The following PARD3 variants were observed in gnomAD, a reference collection of about 807,000 sequenced individuals.
PARD3 encodes partitioning defective 3 homolog.
PARD3 carries 75 observed loss-of-function variants against 155.4 expected under a neutral mutation model. The observed-to-expected ratio is 0.48, with a 90% CI of 0.40 to 0.58. The LOEUF is 0.58. Ranked by LOEUF, PARD3 falls within the 20% of genes least tolerant of loss-of-function variation. PARD3 has a pLI of 0.00. For synonymous variants in PARD3, 576 were observed against 610.5 expected (o/e 0.94, Z 0.83); for missense variants, 1,642 against 1,721.7 (o/e 0.95, Z 0.82).
intron 22 of PARD3, among the ~76,000 whole-genome samples, chr10:34,197,875 G>T (rs970096076): frequency 3.9e-5 from 6 of 152,120 alleles, no homozygotes; most frequent in African/African-American, 1.4e-4. Context: ...GACTACAGGC[G>T]CACGCCACCA....
intron 5 of PARD3, among the ~76,000 whole-genome samples, chr10:34,437,793 G>C (rs1315869197): frequency 6.6e-6 from 1 of 152,080 alleles, no homozygotes; most frequent in Non-Finnish European, 1.5e-5. Context: ...TAATCAAATG[G>C]TTTGTTCAAA....
intron 2 of PARD3, among the ~76,000 whole-genome samples, chr10:34,631,258 A>T (rs1387803928): frequency 6.6e-6 from 1 of 151,950 alleles, no homozygotes; most frequent in African/African-American, 2.4e-5. Context: ...TCAATCCAAC[A>T]TTTTCCCCTC....
At chr10:34,542,955 C>T (rs2083754326) in intron 2 of PARD3, among the ~76,000 whole-genome samples, 1 of 152,090 alleles carries the variant, frequency 6.6e-6, no homozygotes, top group Non-Finnish European at 1.5e-5. Flanking sequence ...CTCACTCAGG[C>T]CATGAGAACA....
intron 2 of PARD3, among the ~76,000 whole-genome samples, chr10:34,629,781 G>T (rs2092167216): frequency 6.6e-6 from 1 of 152,152 alleles, no homozygotes; most frequent in African/African-American, 2.4e-5. Context: ...AAGACCCGCA[G>T]CTTTTATTAG....
chr10:34,418,089 A>T (rs531515115), intron 5 of PARD3, among the ~76,000 whole-genome samples: 2 of 152,326 alleles, frequency 1.3e-5, no homozygotes, highest in South Asian at 4.1e-4. Flanking sequence ...TGAACTTCGA[A>T]ATTTAAAAAG....
At chr10:34,173,838 C>T (rs1304914476) in intron 22 of PARD3, among the ~76,000 whole-genome samples, 2 of 152,172 alleles carry the variant, frequency 1.3e-5, no homozygotes, top group African/African-American at 4.8e-5. Context: ...CTTCATTTGC[C>T]AAATGCCCAA....
intron 5 of PARD3, among the ~76,000 whole-genome samples, chr10:34,447,808 AGAAAG>A (rs1554860289): frequency 7.2e-5 from 11 of 151,774 alleles, no homozygotes; most frequent in Non-Finnish European, 5.9e-5. Context: ...CTGTCTCAAA[AGAAAG>A]AAAGAAAAAA....
At chr10:34,740,702 G>A (rs1167169797) in intron 1 of PARD3, among the ~76,000 whole-genome samples, 2 of 151,504 alleles carry the variant, frequency 1.3e-5, no homozygotes, top group Non-Finnish European at 2.9e-5. Context: ...AACAAATCAC[G>A]TTCCCTCCCC....
At chr10:34,179,659 C>A (rs12254714) in intron 22 of PARD3, among the ~76,000 whole-genome samples, 4,488 of 152,272 alleles carry the variant, frequency 0.029, 85 homozygotes, top group Non-Finnish European at 0.04. Flanking sequence ...TTGGCTGTAT[C>A]TGTTTGAAAT....
chr10:34,775,120 A>C (rs572165285), intron 1 of PARD3, among the ~76,000 whole-genome samples: 46 of 152,340 alleles, frequency 3.0e-4, no homozygotes, highest in South Asian at 1.2e-3. Context: ...CACAACATAG[A>C]AGCAGCATAG....
chr10:34,644,474 G>T (rs1397604680), intron 2 of PARD3, among the ~76,000 whole-genome samples: 1 of 152,252 alleles, frequency 6.6e-6, no homozygotes, highest in Non-Finnish European at 1.5e-5. Flanking sequence ...GGCTGACATG[G>T]CCCAGGGCAG....
intron 20 of PARD3, among the ~76,000 whole-genome samples, chr10:34,300,708 T>C (rs1957106823): frequency 6.6e-6 from 1 of 151,934 alleles, no homozygotes; most frequent in Admixed American, 6.5e-5. Flanking sequence ...TGACTATAAG[T>C]ACTTTTCTTG....
chr10:34,681,729 TTTATATATATATATATA>T (rs2093826684), intron 2 of PARD3, among the ~76,000 whole-genome samples: 1 of 56,548 alleles, frequency 1.8e-5, no homozygotes, highest in Admixed American at 2.3e-4. Flanking sequence ...ACGTATGTAT[TTTATATATATATATATA>T]TATATATATA....
At chr10:34,795,325 T>C (rs564653968) in intron 1 of PARD3, among the ~76,000 whole-genome samples, 2 of 152,286 alleles carry the variant, frequency 1.3e-5, no homozygotes, top group African/African-American at 4.8e-5. Flanking sequence ...TAAAACGTAT[T>C]TCAGAGCAGG....
intron 23 of PARD3, among the ~76,000 whole-genome samples, chr10:34,126,790 T>C (rs1226470645): frequency 8.1e-6 from 1 of 123,076 alleles, no homozygotes; most frequent in Non-Finnish European, 1.7e-5. Flanking sequence ...ATCAGTAAAA[T>C]AGAGCAAGAT....
chr10:34,169,520 T>G (rs944253322), intron 22 of PARD3, among the ~76,000 whole-genome samples: 1 of 152,074 alleles, frequency 6.6e-6, no homozygotes, highest in Non-Finnish European at 1.5e-5. Flanking sequence ...GAAGAAAACT[T>G]TGAGGTGGTC....
intron 23 of PARD3, among the ~76,000 whole-genome samples, chr10:34,125,213 C>G (rs1947218517): frequency 1.3e-5 from 2 of 151,984 alleles, no homozygotes; most frequent in South Asian, 4.1e-4. Flanking sequence ...ATTACAGGCA[C>G]CTGCCACCAC....
At chr10:34,404,036 A>G (rs1208429906) in intron 5 of PARD3, among the ~76,000 whole-genome samples, 1 of 152,178 alleles carries the variant, frequency 6.6e-6, no homozygotes, top group Non-Finnish European at 1.5e-5. Context: ...TAAAACAGTC[A>G]CTGATAATTC....
chr10:34,654,544 CAAAAAT>C (rs1036570756), intron 2 of PARD3, among the ~76,000 whole-genome samples: 3 of 152,132 alleles, frequency 2.0e-5, no homozygotes, highest in Non-Finnish European at 4.4e-5. Flanking sequence ...AGATGAAAAA[CAAAAAT>C]AGAGTTCCAG....
Sources: allele counts gnomAD v4.1 joint callset (sites outside exome capture counted in the v4.1 genomes callset), GRCh38; gene constraint gnomAD v4.1.1; transcripts MANE v1.5; gene names NCBI Gene and HGNC (gene_info 2026-07-23, HGNC 2026-07-21).